Variants in DYRK2 observed in about 807,000 individuals in gnomAD.
DYRK2 encodes dual specificity tyrosine-phosphorylation-regulated kinase 2.
A neutral mutation model predicts 41.6 loss-of-function variants in DYRK2; 12 were observed. The observed-to-expected ratio is 0.29, with a 90% CI of 0.18 to 0.47. The LOEUF (loss-of-function observed/expected upper bound fraction) is 0.47, where lower values mean the gene tolerates loss of function less well. DYRK2 is among the 20% of genes least tolerant of loss of function. The pLI is 1.00. For missense variants in DYRK2, 678 were observed against 798.4 expected (o/e 0.85, Z 1.82); for synonymous variants, 322 against 315.7 (o/e 1.02, Z -0.21).
chr12:67,652,001 T>G (rs908257121), intron 2 of DYRK2, among the ~76,000 whole-genome samples: 12 of 152,178 alleles, frequency 7.9e-5, no homozygotes, highest in African/African-American at 2.7e-4. Flanking sequence ...AAATTTTTAG[T>G]TATTATTTCC....
At chr12:67,650,625 C>T (rs1872294040) in intron 2 of DYRK2, among the ~76,000 whole-genome samples, 1 of 152,180 alleles carries the variant, frequency 6.6e-6, no homozygotes, top group Non-Finnish European at 1.5e-5. Flanking sequence ...GAAAAAGCAC[C>T]TAACAGGTGC....
chr12:67,663,471 A>G lies in DYRK2; in HGVS notation c.*4758A>G, dbSNP rs929086538. The G allele has an allele frequency of 2.6e-5, 4 of 152,048 alleles. No individual in the cohort carries two copies. Among genetic ancestry groups the G allele is most frequent in the African/African-American group, 9.7e-5 (4 of 41,410 alleles). 9.4% of individuals were successfully genotyped at this position (152,048 alleles called of 1,614,324 possible). The stretch of plus-strand genomic sequence containing the variant: ...TGTGGCTCCCTGCATCAATACTGGG[A>G]TATGCTTAAACAAGGGAATGCCATA... On this transcript the variant is annotated 3_prime_UTR_variant, in exon 3 of 3. Transcript: ENST00000344096.
At chr12:67,650,915 T>C (rs1286459250) in intron 2 of DYRK2, among the ~76,000 whole-genome samples, 1 of 152,166 alleles carries the variant, frequency 6.6e-6, no homozygotes, top group African/African-American at 2.4e-5. Flanking sequence ...GTTGAGTTCT[T>C]GAAGAAAAGG....
intron 1 of DYRK2, among the ~76,000 whole-genome samples, chr12:67,649,457 G>C (rs982742550): frequency 6.6e-6 from 1 of 151,590 alleles, no homozygotes; most frequent in Non-Finnish European, 1.5e-5. Context: ...TGCGCTGCCC[G>C]GGGCTTGGCG....
Position 67,648,764 on chromosome 12 carries a change from G to A in DYRK2, c.-370G>A, listed in dbSNP as rs1181155760. The A allele has an allele frequency of 6.6e-6, 1 of 150,858 alleles. No individual in the cohort carries two copies. Among genetic ancestry groups the A allele is most frequent in the African/African-American group, 2.5e-5 (1 of 40,580 alleles). 9.3% of individuals were successfully genotyped at this position (150,858 alleles called of 1,614,324 possible). ...GCGCGCGCGCGCGGGCCCGGGAGAG[G>A]CTCCCGAGCCAGGCGGTCTTCGGTC... On this transcript the variant is annotated 5_prime_UTR_variant, in exon 1 of 3. Coordinates refer to ENST00000344096, the MANE Select transcript of DYRK2 (RefSeq NM_006482.3).
intron 1 of DYRK2, among the ~76,000 whole-genome samples, chr12:67,649,494 C>G (rs1373812997): frequency 1.3e-5 from 2 of 151,782 alleles, no homozygotes; most frequent in African/African-American, 2.4e-5. Context: ...CTCAGCTGTC[C>G]AAACCCACCT....
At position 67,657,982 on chromosome 12, in the gene DYRK2, C is replaced by G. The variant is rs1415544661; in HGVS notation, c.1075C>G (p.Gln359Glu). ...GCCCGAGAACATTTTGTTAAAGCAG[C>G]AGGGTAGAAGCGGTATTAAAGTAAT... ...LKPENILLKQQGRSGIKVIDF... is the reference protein window; with the variant it reads ...LKPENILLKQEGRSGIKVIDF... The change falls in exon 3 of 3, where the codon CAG becomes GAG. Residue 359 changes from glutamine to glutamate, a missense_variant. Physicochemically the swap from Gln to Glu is conservative, Grantham distance 29. This residue lies in a region of DYRK2 where 393 missense variants were observed against 519.1 expected (regional missense o/e 0.76). Coordinates refer to ENST00000344096, the MANE Select transcript of DYRK2 (RefSeq NM_006482.3). This position sits in a 1 kb window ranked among gnomAD's most constrained non-coding sequence, Gnocchi z 4.8. The G allele has an allele frequency of 1.2e-6, 2 of 1,614,226 alleles. No individual in the cohort carries two copies. Among genetic ancestry groups the G allele is most frequent in the South Asian group, 1.1e-5 (1 of 91,086 alleles).
In DYRK2 at chr12:67,660,961, CTAAT is replaced by C. The variant is rs1180486485; in HGVS notation, c.*2249_*2252del. On this transcript the variant is annotated 3_prime_UTR_variant, in exon 3 of 3. Transcript: ENST00000344096. Reference sequence around the variant, plus strand: ...ATACATGTGAACATTTATAAATGGACTAATACTGCTTGTCTTTCCCCCACCGCAC... The same window carrying C: ...ATACATGTGAACATTTATAAATGGACACTGCTTGTCTTTCCCCCACCGCAC... 1 of 167,020 alleles carries C rather than the reference CTAAT, an allele frequency of 6.0e-6. No homozygotes were observed. Among genetic ancestry groups the C allele is most frequent in the African/African-American group, 2.4e-5 (1 of 41,446 alleles). 10.3% of individuals were successfully genotyped at this position (167,020 alleles called of 1,614,324 possible). A position where few individuals can be genotyped will look rare whatever the true frequency, so the allele number is the denominator to read the frequency against.
intron 2 of DYRK2, 46 bp downstream of exon 2, chr12:67,649,991 GC>G (rs1459649553): frequency 4.6e-6 from 6 of 1,297,522 alleles, no homozygotes; most frequent in Non-Finnish European, 5.8e-6. Flanking sequence ...GGCGGGAGGG[GC>G]CCCAGGCCGA....
intron 1 of DYRK2, chr12:67,649,584 G>T (rs1024656806): frequency 3.2e-5 from 17 of 534,850 alleles, no homozygotes; most frequent in African/African-American, 2.4e-4. Flanking sequence ...GAACTCGCGC[G>T]CCAGGGCCCC....
chr12:67,656,828 T>C (rs902156579), intron 2 of DYRK2, among the ~76,000 whole-genome samples: 1 of 152,214 alleles, frequency 6.6e-6, no homozygotes, highest in African/African-American at 2.4e-5. Flanking sequence ...ACACCTATGA[T>C]GTGCCAGGCC....
rs1302569360 is a variant in DYRK2, at chr12:67,658,900, TTTAAG to T, written c.*190_*194del. On this transcript the variant is annotated 3_prime_UTR_variant, in exon 3 of 3. Transcript: ENST00000344096. The surrounding 1 kb of genome is among the most constrained non-coding windows in gnomAD (Gnocchi z 4.3). ...TTTATAAAATACATGAGGACAATGC[TTTAAG>T]TTTTTATACTTTCAGAAACTTTTTG... 1.6e-6 allele frequency: 1 copy of T among 606,110 alleles called. No homozygotes were observed. The highest frequency in any genetic ancestry group is 1.9e-5 in the African/African-American group (1 of 51,756). 37.5% of individuals were successfully genotyped at this position (606,110 alleles called of 1,614,324 possible).
rs1290374809 is a variant in DYRK2, at chr12:67,663,016, A to G, written c.*4303A>G. Reference sequence around the variant, plus strand: ...ATCTTCTTTTATTTTAACCTTCACAATGATAGTTAAGCTGGGGGAGCAGAA... The same window carrying G: ...ATCTTCTTTTATTTTAACCTTCACAGTGATAGTTAAGCTGGGGGAGCAGAA... On this transcript the variant is annotated 3_prime_UTR_variant, in exon 3 of 3. Coordinates refer to ENST00000344096, the MANE Select transcript of DYRK2 (RefSeq NM_006482.3). The G allele has an allele frequency of 6.6e-6, 1 of 152,048 alleles. No homozygotes were observed. The highest frequency in any genetic ancestry group is 1.5e-5 in the Non-Finnish European group (1 of 67,978). 9.4% of individuals were successfully genotyped at this position (152,048 alleles called of 1,614,324 possible).
chr12:67,650,434 T>C (rs545703572), intron 2 of DYRK2, among the ~76,000 whole-genome samples: 1 of 152,276 alleles, frequency 6.6e-6, no homozygotes, highest in Admixed American at 6.5e-5. Flanking sequence ...GCATCGCCAA[T>C]TGTCCCCCGC....
chr12:67,656,230 T>C (rs534543523), intron 2 of DYRK2, among the ~76,000 whole-genome samples: 2 of 152,168 alleles, frequency 1.3e-5, no homozygotes, highest in African/African-American at 2.4e-5. Context: ...ACACCATTGA[T>C]AGAATTTAGA....
intron 2 of DYRK2, chr12:67,652,433 T>C (rs1872347727): frequency 6.6e-6 from 1 of 152,130 alleles, no homozygotes; most frequent in Admixed American, 6.5e-5. Flanking sequence ...TAATTCAAAT[T>C]GAAATACACA....
intron 2 of DYRK2, among the ~76,000 whole-genome samples, chr12:67,655,128 C>T (rs139471286): frequency 0.016 from 2,392 of 152,270 alleles, 34 homozygotes; most frequent in Middle Eastern, 0.041. Context: ...ATGCGAAACA[C>T]AAAAATTGCT....
Position 67,649,997 on chromosome 12 carries a change from G to A in DYRK2, c.198+52G>A, listed in dbSNP as rs183590629. The stretch of plus-strand genomic sequence containing the variant: ...GGCGGTGGGGGCGGGAGGGGCCCCA[G>A]GCCGAAGCACCCGGACTTGGAGGGG... On this transcript the variant is annotated intron_variant, in intron 2 of 2. Coordinates refer to ENST00000344096, the MANE Select transcript of DYRK2 (RefSeq NM_006482.3). 304 of 1,293,302 alleles carry A rather than the reference G, an allele frequency of 2.4e-4. 2 individuals are homozygous for A. In the East Asian group the frequency reaches 8.6e-3, roughly 37 times the overall value. 80.1% of individuals were successfully genotyped at this position (1,293,302 alleles called of 1,614,324 possible). A position where few individuals can be genotyped will look rare whatever the true frequency, so the allele number is the denominator to read the frequency against.
chr12:67,652,267 C>G (rs1872343667), intron 2 of DYRK2, among the ~76,000 whole-genome samples: 1 of 151,806 alleles, frequency 6.6e-6, no homozygotes, highest in Admixed American at 6.6e-5. Flanking sequence ...AGAAGTGTGC[C>G]CAATCACTGT....
Sources: gnomAD v4.1 joint callset for allele counts (sites outside exome capture counted in the v4.1 genomes callset) on GRCh38, gnomAD v4.1.1 for gene constraint, gnomAD v4.1.1 regional missense constraint, Gnocchi (gnomAD v3.1) non-coding constraint, MANE v1.5 for transcripts, NCBI Gene and HGNC (gene_info 2026-07-23, HGNC 2026-07-21) for gene names.